The following ZFYVE9 variants were observed in gnomAD, a reference collection of about 807,000 sequenced individuals.
ZFYVE9 encodes the protein zinc finger FYVE-type containing 9.
A neutral mutation model predicts 126.7 loss-of-function variants in ZFYVE9; 43 were observed. The observed-to-expected ratio is 0.34, with a 90% CI of 0.27 to 0.44. The LOEUF is 0.44. ZFYVE9 is among the 20% of genes least tolerant of loss of function. ZFYVE9 has a pLI of 1.00. For synonymous variants in ZFYVE9, 521 were observed against 597.4 expected (o/e 0.87, Z 1.87); for missense variants, 1,476 against 1,697.0 (o/e 0.87, Z 2.29).
intron 4 of ZFYVE9, among the ~76,000 whole-genome samples, chr1:52,249,815 G>T (rs1645426417): frequency 5.3e-5 from 8 of 152,106 alleles, no homozygotes. Context: ...TATTAGCTTA[G>T]TTTTATTCTT....
Position 52,250,243 on chromosome 1 carries a change from A to G in ZFYVE9, c.2178+10648A>G, listed in dbSNP as rs547346824. Among the ~76,000 whole-genome samples the G allele has an allele frequency of 3.3e-5, 5 of 152,340 alleles. No homozygotes were observed. In the East Asian group the frequency reaches 7.7e-4, roughly 23 times the overall value. On this transcript the variant is annotated intron_variant, in intron 4 of 18. Coordinates refer to ENST00000287727, the MANE Select transcript of ZFYVE9 (RefSeq NM_004799.4). ...ATAATAAGCCTTCTAGTCCATGAAC[A>G]TGGAATGTTTTTCCATTTATTTGTA...
intron 10 of ZFYVE9, among the ~76,000 whole-genome samples, chr1:52,290,265 G>C (rs999990282): frequency 3.3e-5 from 5 of 152,210 alleles, no homozygotes; most frequent in African/African-American, 1.2e-4. Context: ...GTGAGGGCAT[G>C]TGTATAAGGG....
Position 52,293,502 on chromosome 1 carries a change from T to C in ZFYVE9, c.3075T>C (p.Leu1025=). 2 of 1,614,144 alleles carry C rather than the reference T, an allele frequency of 1.2e-6. No homozygotes were observed. Among genetic ancestry groups the C allele is most frequent in the Non-Finnish European group, 1.7e-6 (2 of 1,180,028 alleles). Residue 1025 remains leucine, a synonymous_variant, in exon 11 of 19, where the codon CTT becomes CTC. Transcript: ENST00000287727. ...ATTCCTTCTTCAGTCAAAGTTTCCT[T>C]GGCAGTAAAGAACATGGTGGATTCT... ...LGHSFFSQSF[L]GSKEHGGFLY...
At chr1:52,276,199 C>A (rs1645747000) in intron 8 of ZFYVE9, among the ~76,000 whole-genome samples, 1 of 152,182 alleles carries the variant, frequency 6.6e-6, no homozygotes, top group Admixed American at 6.6e-5. Flanking sequence ...AGCTACCATG[C>A]CCGGTCTGAC....
At chr1:52,301,724 T>G (rs1646037405) in intron 12 of ZFYVE9, among the ~76,000 whole-genome samples, 1 of 152,228 alleles carries the variant, frequency 6.6e-6, no homozygotes, top group African/African-American at 2.4e-5. Context: ...TTTGAATCTA[T>G]GGGTTTATAG....
chr1:52,321,758 C>T (rs1646241835), intron 13 of ZFYVE9, among the ~76,000 whole-genome samples: 1 of 152,144 alleles, frequency 6.6e-6, no homozygotes, highest in Non-Finnish European at 1.5e-5. Flanking sequence ...ATGTCAAGCA[C>T]CACAAGAAGT....
chr1:52,305,832 T>G (rs1033491717), intron 13 of ZFYVE9, among the ~76,000 whole-genome samples: 4 of 152,172 alleles, frequency 2.6e-5, no homozygotes, highest in Non-Finnish European at 4.4e-5. Flanking sequence ...GGCTTTTCCC[T>G]GCTGTCAGCA....
At chr1:52,264,736 C>A (rs1235966131) in intron 5 of ZFYVE9, among the ~76,000 whole-genome samples, 1 of 152,172 alleles carries the variant, frequency 6.6e-6, no homozygotes, top group East Asian at 1.9e-4. Flanking sequence ...CTGCTCTGTC[C>A]GTCTGCATTG....
intron 12 of ZFYVE9, among the ~76,000 whole-genome samples, chr1:52,302,941 C>A (rs1351486120): frequency 6.6e-6 from 1 of 151,904 alleles, no homozygotes; most frequent in African/African-American, 2.4e-5. Flanking sequence ...GAAACCTTGT[C>A]TCTACTAAAA....
At position 52,293,453 on chromosome 1, in the gene ZFYVE9, G is replaced by A. The variant is rs1258808447; in HGVS notation, c.3026G>A (p.Gly1009Glu). The change falls in exon 11 of 19, where the codon GGG becomes GAG. Residue 1009 changes from glycine (G) to glutamate (E), a missense_variant and splice_region_variant. Coordinates refer to ENST00000287727, the MANE Select transcript of ZFYVE9 (RefSeq NM_004799.4). ...AGCTAATAAACTTTTTTGTTTTTAGGGAATGTGGTGAGCAACTTGGGACAT... is the reference window on the plus strand; with the variant it reads ...AGCTAATAAACTTTTTTGTTTTTAGAGAATGTGGTGAGCAACTTGGGACAT... ...FVQLYRDALA[G>E]NVVSNLGHSF... 1.2e-6 allele frequency: 2 copies of A among 1,606,038 alleles called. No homozygotes were observed. Among genetic ancestry groups the A allele is most frequent in the Non-Finnish European group, 1.7e-6 (2 of 1,177,476 alleles).
At chr1:52,150,900 A>C (rs1368171657) in intron 1 of ZFYVE9, among the ~76,000 whole-genome samples, 2 of 152,146 alleles carry the variant, frequency 1.3e-5, no homozygotes, top group African/African-American at 4.8e-5. Context: ...ACAGTCCCTA[A>C]AAGGTAATTA....
intron 14 of ZFYVE9, among the ~76,000 whole-genome samples, chr1:52,333,986 G>A (rs140344971): frequency 7.3e-4 from 111 of 152,084 alleles, no homozygotes; most frequent in African/African-American, 2.4e-3. Flanking sequence ...CCAGCTACTC[G>A]GGAGGCTGAG....
intron 1 of ZFYVE9, among the ~76,000 whole-genome samples, chr1:52,200,881 C>T (rs570106925): frequency 1.3e-5 from 2 of 152,350 alleles, no homozygotes; most frequent in African/African-American, 4.8e-5. Flanking sequence ...CAATTTGACA[C>T]TGTCTTGATT....
chr1:52,166,238 T>C (rs1644512684), intron 1 of ZFYVE9, among the ~76,000 whole-genome samples: 1 of 152,200 alleles, frequency 6.6e-6, no homozygotes, highest in Non-Finnish European at 1.5e-5. Flanking sequence ...CCTTGATTAT[T>C]GCTAAGGTGC....
intron 1 of ZFYVE9, among the ~76,000 whole-genome samples, chr1:52,178,001 C>T (rs1436689522): frequency 6.0e-5 from 9 of 150,120 alleles, no homozygotes; most frequent in East Asian, 2.0e-4. Context: ...AATAATAGGC[C>T]GGGCACAGTG....
chr1:52,216,261 C>T lies in ZFYVE9; in HGVS notation c.-142-108C>T, dbSNP rs551644011. The T allele has an allele frequency of 1.0e-5, 4 of 396,362 alleles. No homozygotes were observed. The South Asian group carries it at 5.5e-4, about 54-fold the overall frequency. 24.6% of individuals were successfully genotyped at this position (396,362 alleles called of 1,614,324 possible). A position where few individuals can be genotyped will look rare whatever the true frequency, so the allele number is the denominator to read the frequency against. On this transcript the variant is annotated intron_variant, in intron 1 of 18. Transcript: ENST00000287727. ...GAATCCAAAGGTATAATTTTATCTA[C>T]TGTTTCAGCCCTATTGCTTTCATTT...
Position 52,305,812 on chromosome 1 carries a change from C to G in ZFYVE9, c.3438+1887C>G, listed in dbSNP as rs1002304324. 1.1e-4 allele frequency among the ~76,000 whole-genome samples: 17 copies of G among 152,314 alleles called. No homozygotes were observed. The East Asian group carries it at 3.3e-3, about 29-fold the overall frequency. On this transcript the variant is annotated intron_variant, in intron 13 of 18. Transcript: ENST00000287727. ...CCTTACAGCCCTGGAAATGCCTGCT[C>G]CTACTGCCTGGCTTTTCCCTGCTGT...
intron 17 of ZFYVE9, among the ~76,000 whole-genome samples, chr1:52,341,050 G>A (rs571469591): frequency 6.6e-5 from 10 of 151,380 alleles, no homozygotes; most frequent in South Asian, 2.1e-4. Context: ...GAGAAACCCC[G>A]TCTCTACTAA....
intron 1 of ZFYVE9, among the ~76,000 whole-genome samples, chr1:52,215,154 T>C (rs931560712): frequency 6.6e-6 from 1 of 152,216 alleles, no homozygotes; most frequent in African/African-American, 2.4e-5. Context: ...TTTAAGAAAA[T>C]CTTTAATCAG....
Sources: gnomAD v4.1 joint callset for allele counts (sites outside exome capture counted in the v4.1 genomes callset) on GRCh38, gnomAD v4.1.1 for gene constraint, MANE v1.5 for transcripts, NCBI Gene and HGNC (gene_info 2026-07-23, HGNC 2026-07-21) for gene names.